Variants in ANK3 observed in about 807,000 individuals in gnomAD.
The protein encoded by ANK3 is ankyrin-3.
ANK3 carries 57 observed loss-of-function variants against 370.9 expected under a neutral mutation model. The ratio of observed to expected loss-of-function variants is 0.15; its 90% CI spans 0.12 to 0.19. The LOEUF is 0.19. ANK3 is among the 10% of genes least tolerant of loss of function. The pLI is 1.00. For missense variants in ANK3, 4,439 were observed against 5,302.1 expected, an observed-to-expected ratio of 0.84 and a Z score of 5.06; for synonymous variants, 1,929 against 1,946.3, an observed-to-expected ratio of 0.99 and a Z score of 0.23.
At chr10:60,373,043 C>T (rs942520268) in intron 1 of ANK3, among the ~76,000 whole-genome samples, 1 of 152,136 alleles carries the variant, frequency 6.6e-6, no homozygotes, top group African/African-American at 2.4e-5. Flanking sequence ...TTGTCATCTC[C>T]ATCATATGAA....
At chr10:60,339,684 T>C (rs1464524056) in intron 1 of ANK3, among the ~76,000 whole-genome samples, 5 of 152,052 alleles carry the variant, frequency 3.3e-5, no homozygotes, top group African/African-American at 1.2e-4. Flanking sequence ...AAAACCAGAG[T>C]AGCTCTTCTG....
At chr10:60,715,871 C>A (rs1589068775) in intron 1 of ANK3, among the ~76,000 whole-genome samples, 2 of 152,258 alleles carry the variant, frequency 1.3e-5, no homozygotes, top group South Asian at 4.2e-4. Context: ...CCATGCTGAC[C>A]AATCAGCTTG....
intron 1 of ANK3, among the ~76,000 whole-genome samples, chr10:60,651,133 G>T (rs756803698): frequency 2.0e-5 from 3 of 152,130 alleles, no homozygotes; most frequent in African/African-American, 7.2e-5. Flanking sequence ...ATGTGTGTGT[G>T]TTTATGTATA....
At chr10:60,477,527 AC>A (rs1230133786) in intron 2 of ANK3, among the ~76,000 whole-genome samples, 21 of 139,654 alleles carry the variant, frequency 1.5e-4, no homozygotes, top group Non-Finnish European at 2.7e-4. Context: ...ACACACACAC[AC>A]ACACACACAC....
intron 2 of ANK3, among the ~76,000 whole-genome samples, chr10:60,469,847 A>T (rs540052184): frequency 1.8e-4 from 28 of 151,606 alleles, no homozygotes; most frequent in Admixed American, 1.7e-3. Flanking sequence ...TTGGAAAATG[A>T]ATCCGTGCCA....
chr10:60,140,716 C>T (rs555929928), intron 23 of ANK3: 109 of 1,199,616 alleles, frequency 9.1e-5, no homozygotes, highest in Non-Finnish European at 1.1e-4. Flanking sequence ...AAGCCTCTAG[C>T]AGGACAGAAT....
intron 2 of ANK3, among the ~76,000 whole-genome samples, chr10:60,458,984 T>C (rs2064817930): frequency 6.6e-6 from 1 of 152,148 alleles, no homozygotes; most frequent in South Asian, 2.1e-4. Context: ...ATTTATTCTA[T>C]GTAAAATATG....
intron 23 of ANK3, among the ~76,000 whole-genome samples, chr10:60,151,885 A>T (rs747541417): frequency 2.0e-5 from 3 of 152,216 alleles, no homozygotes; most frequent in Non-Finnish European, 4.4e-5. Flanking sequence ...ACTGAAACTT[A>T]TTTTCCACAT....
At chr10:60,730,639 A>G (rs1482104552) in intron 1 of ANK3, among the ~76,000 whole-genome samples, 7 of 152,206 alleles carry the variant, frequency 4.6e-5, no homozygotes, top group Admixed American at 3.3e-4. Context: ...ATTGCAATTA[A>G]ATGGCCCTAT....
intron 2 of ANK3, among the ~76,000 whole-genome samples, chr10:60,577,181 C>T (rs1217486050): frequency 6.6e-6 from 1 of 152,138 alleles, no homozygotes; most frequent in Admixed American, 6.6e-5. Context: ...ATTCTTCTTC[C>T]CACAGAGCTG....
At chr10:60,489,020 AT>A (rs542474516) in intron 2 of ANK3, among the ~76,000 whole-genome samples, 76 of 152,200 alleles carry the variant, frequency 5.0e-4, no homozygotes, top group Admixed American at 1.6e-3. Context: ...AATACATTTA[AT>A]TTTTTTTCTA....
At chr10:60,181,125 A>C (rs762587500) in intron 18 of ANK3, among the ~76,000 whole-genome samples, 1 of 152,206 alleles carries the variant, frequency 6.6e-6, no homozygotes, top group African/African-American at 2.4e-5. Context: ...AGCTAGAATC[A>C]AGTACCCAGG....
At chr10:60,125,601 A>C (rs1486818912) in intron 25 of ANK3, among the ~76,000 whole-genome samples, 20 of 152,146 alleles carry the variant, frequency 1.3e-4, no homozygotes, top group Admixed American at 1.2e-3. Flanking sequence ...TTCTGCCACC[A>C]TGCACGTTTC....
chr10:60,297,570 A>G (rs997906034), intron 1 of ANK3, among the ~76,000 whole-genome samples: 3 of 152,182 alleles, frequency 2.0e-5, no homozygotes, highest in Non-Finnish European at 2.9e-5. Flanking sequence ...CATTTAAAAA[A>G]TAAACATTTG....
Position 60,186,843 on chromosome 10 carries a change from A to G in ANK3, c.1957T>C (p.Tyr653His). 1.2e-6 allele frequency: 2 copies of G among 1,614,184 alleles called. No homozygotes were observed. Among genetic ancestry groups the G allele is most frequent in the Non-Finnish European group, 1.7e-6 (2 of 1,180,022 alleles). Residue 653 changes from tyrosine (Y) to histidine (H), a missense_variant, in exon 17 of 44, where the codon TAT (tyrosine) becomes CAT (histidine). Tyr to His is a moderately conservative substitution (Grantham distance 83, BLOSUM62 2). Around this residue, in one of 13 missense-constraint regions of ANK3, gnomAD observed 192 missense variants for 192.1 expected, o/e 1.00. Coordinates refer to ENST00000280772, the MANE Select transcript of ANK3 (RefSeq NM_020987.5). Reference sequence around the variant, plus strand: ...GTAACTGCGTTGGCATCAGCACCATATTCCAGCAGAGTTGTCGCTATGTCC... The same window carrying G: ...GTAACTGCGTTGGCATCAGCACCATGTTCCAGCAGAGTTGTCGCTATGTCC... ...QMDIATTLLE[Y>H]GADANAVTRQ...
intron 2 of ANK3, among the ~76,000 whole-genome samples, chr10:60,410,260 C>A (rs1339844474): frequency 1.3e-5 from 2 of 151,696 alleles, no homozygotes. Flanking sequence ...GGGACCCCAC[C>A]TCTTTATATA....
intron 1 of ANK3, among the ~76,000 whole-genome samples, chr10:60,320,726 A>C (rs1041902702): frequency 6.6e-6 from 1 of 152,208 alleles, no homozygotes. Flanking sequence ...TGACTTCCCC[A>C]TCTATTTTGG....
intron 1 of ANK3, among the ~76,000 whole-genome samples, chr10:60,327,371 T>C (rs1284137515): frequency 1.3e-5 from 2 of 152,232 alleles, no homozygotes; most frequent in Non-Finnish European, 2.9e-5. Context: ...TTGTTTTTTC[T>C]TTCTAAGTGG....
At chr10:60,490,239 T>A (rs575600142) in intron 2 of ANK3, among the ~76,000 whole-genome samples, 1 of 152,194 alleles carries the variant, frequency 6.6e-6, no homozygotes, top group Non-Finnish European at 1.5e-5. Flanking sequence ...CTCAGAGTCT[T>A]ATCTAGATCA....
Sources: gnomAD v4.1 joint callset for allele counts (sites outside exome capture counted in the v4.1 genomes callset) on GRCh38, gnomAD v4.1.1 for gene constraint, gnomAD v4.1.1 regional missense constraint, MANE v1.5 for transcripts, NCBI Gene and HGNC (gene_info 2026-07-23, HGNC 2026-07-21) for gene names.